GRM1: variants seen among roughly 807,000 people sequenced by gnomAD.
The protein encoded by GRM1 is glutamate metabotropic receptor 1.
Under a neutral mutation model 90.9 loss-of-function variants are expected in GRM1, and 33 were observed. The observed-to-expected ratio is 0.36, with a 90% confidence interval of 0.28 to 0.49. The LOEUF is 0.49. GRM1 is among the 20% of genes least tolerant of loss of function. GRM1 has a pLI of 0.99. For synonymous variants in GRM1, 700 were observed against 613.2 expected (o/e 1.14, Z -2.09); for missense variants, 1,190 against 1,534.3 (o/e 0.78, Z 3.75).
chr6:146,080,332 C>T (rs1417023674), intron 1 of GRM1, among the ~76,000 whole-genome samples: 1 of 152,106 alleles, frequency 6.6e-6, no homozygotes, highest in Non-Finnish European at 1.5e-5. Context: ...AATATGCTGT[C>T]TTCTGCCTTC....
chr6:146,426,582 C>T (rs1348772900), intron 7 of GRM1: 3 of 1,612,600 alleles, frequency 1.9e-6, no homozygotes, highest in East Asian at 2.2e-5. Flanking sequence ...GAATTCTCGC[C>T]CACCAGCCAA....
intron 2 of GRM1, among the ~76,000 whole-genome samples, chr6:146,267,456 G>A (rs1157377725): frequency 6.6e-6 from 1 of 152,042 alleles, no homozygotes; most frequent in East Asian, 1.9e-4. Flanking sequence ...ATATATATAG[G>A]GGAGTTTATT....
chr6:146,068,962 T>G (rs1582956579), intron 1 of GRM1, among the ~76,000 whole-genome samples: 1 of 152,244 alleles, frequency 6.6e-6, no homozygotes, highest in African/African-American at 2.4e-5. Flanking sequence ...GAAATTTATG[T>G]TTCAGATTGG....
chr6:146,234,487 T>C (rs1780564423), intron 2 of GRM1, among the ~76,000 whole-genome samples: 1 of 152,108 alleles, frequency 6.6e-6, no homozygotes, highest in African/African-American at 2.4e-5. Context: ...TCTGAATTTT[T>C]TTTTAGTGGT....
chr6:146,048,164 A>G lies in GRM1; in HGVS notation c.700+17947A>G, dbSNP rs549634248. Among the ~76,000 whole-genome samples, 49 of 152,158 alleles carry G rather than the reference A, an allele frequency of 3.2e-4. 1 individual carries two copies. The highest frequency in any genetic ancestry group is 6.2e-4 in the South Asian group (3 of 4,834). ...CCTCCATATCTTTGTAAGGTCTGAT[A>G]TGGGGTTAAGCACAAAGTGCTTAAT... On this transcript the variant is annotated intron_variant, in intron 1 of 7. Coordinates refer to ENST00000282753, the MANE Select transcript of GRM1 (RefSeq NM_001278064.2).
Position 146,163,471 on chromosome 6 carries a change from A to G in GRM1, c.950+3874A>G, listed in dbSNP as rs185141392. On this transcript the variant is annotated intron_variant, in intron 2 of 7. Coordinates refer to ENST00000282753, the MANE Select transcript of GRM1 (RefSeq NM_001278064.2). The stretch of plus-strand genomic sequence containing the variant: ...TTAATTGTCACAACAATGTGATAAG[A>G]TAGGTACTAATATTATTCCCCTTTC... Among the ~76,000 whole-genome samples the G allele has an allele frequency of 2.5e-3, 387 of 152,348 alleles. 2 individuals are homozygous for G. In the Middle Eastern group the frequency reaches 0.031, roughly 12 times the overall value.
At chr6:146,033,779 G>A (rs1790788167) in intron 1 of GRM1, among the ~76,000 whole-genome samples, 1 of 151,178 alleles carries the variant, frequency 6.6e-6, no homozygotes, top group South Asian at 2.1e-4. Flanking sequence ...TCCTTTTTAA[G>A]TACTTTTTTA....
At chr6:146,304,554 T>C in intron 2 of GRM1, 57 bp from the exon 3 acceptor site, 1 of 1,157,906 alleles carries the variant, frequency 8.6e-7, no homozygotes, top group Non-Finnish European at 1.3e-6. Context: ...AACTCTGAGC[T>C]CTATTTGTGA....
At chr6:146,143,907 G>A (rs912320582) in intron 1 of GRM1, among the ~76,000 whole-genome samples, 1 of 152,174 alleles carries the variant, frequency 6.6e-6, no homozygotes, top group African/African-American at 2.4e-5. Context: ...AAAGAAGACA[G>A]AATGATACCC....
intron 3 of GRM1, among the ~76,000 whole-genome samples, chr6:146,321,178 T>C (rs1296061977): frequency 6.6e-6 from 1 of 152,232 alleles, no homozygotes; most frequent in Non-Finnish European, 1.5e-5. Context: ...TTTGCCTTTG[T>C]TCTCATTGGT....
At chr6:146,176,731 T>G (rs1049887778) in intron 2 of GRM1, among the ~76,000 whole-genome samples, 6 of 152,118 alleles carry the variant, frequency 3.9e-5, no homozygotes, top group African/African-American at 1.4e-4. Context: ...GTTGATTCAA[T>G]AAGTTCTTAG....
intron 1 of GRM1, among the ~76,000 whole-genome samples, chr6:146,103,094 A>C (rs1156563761): frequency 6.6e-6 from 1 of 152,176 alleles, no homozygotes; most frequent in African/African-American, 2.4e-5. Flanking sequence ...CTGCAGTGCC[A>C]CAGGGAACAA....
At chr6:146,343,486 A>G (rs1785054218) in intron 3 of GRM1, among the ~76,000 whole-genome samples, 1 of 151,828 alleles carries the variant, frequency 6.6e-6, no homozygotes, top group East Asian at 1.9e-4. Flanking sequence ...TTACTTAATC[A>G]TTTATTTATA....
chr6:146,113,127 C>A (rs1346776847), intron 1 of GRM1, among the ~76,000 whole-genome samples: 2 of 152,146 alleles, frequency 1.3e-5, no homozygotes, highest in Non-Finnish European at 2.9e-5. Context: ...TATACTCAGT[C>A]TTTAATTTAA....
At position 146,358,630 on chromosome 6, in the gene GRM1, C is replaced by T. The variant is rs546515107; in HGVS notation, c.1602+936C>T. Among the ~76,000 whole-genome samples the T allele has an allele frequency of 1.7e-3, 256 of 152,340 alleles. 1 individual carries two copies. The highest frequency in any genetic ancestry group is 6.0e-3 in the African/African-American group (248 of 41,588). The stretch of plus-strand genomic sequence containing the variant: ...ATTCTTTGCTTGGGAGCTGCAAAAA[C>T]ACCCATGGAGGAGAGATGCTCTGAT... On this transcript the variant is annotated intron_variant, in intron 5 of 7. Transcript: ENST00000282753.
At chr6:146,039,970 G>T (rs994901780) in intron 1 of GRM1, among the ~76,000 whole-genome samples, 3 of 152,092 alleles carry the variant, frequency 2.0e-5, no homozygotes, top group Non-Finnish European at 4.4e-5. Context: ...ATAGGCCACC[G>T]ATCTGGAAAG....
In GRM1 at chr6:146,435,093, A is replaced by G. The variant is rs1002919368; in HGVS notation, c.*297A>G. On this transcript the variant is annotated 3_prime_UTR_variant, in exon 8 of 8. Transcript: ENST00000282753. ...CATATGGTATGTAACTTTTATCACA[A>G]ATCAAATAGTGACATCACAAACATA... 9 of 522,610 alleles carry G rather than the reference A, an allele frequency of 1.7e-5. No individual in the cohort carries two copies. The highest frequency in any genetic ancestry group is 3.1e-5 in the Non-Finnish European group (9 of 288,080). The allele number at this position is 522,610 out of a possible 1,614,324, so 32.4% of individuals were successfully genotyped here.
chr6:146,386,586 A>T (rs1776513362), intron 5 of GRM1, among the ~76,000 whole-genome samples: 1 of 152,068 alleles, frequency 6.6e-6, no homozygotes, highest in Admixed American at 6.6e-5. Flanking sequence ...TATTAATATA[A>T]ACAAGGATTA....
In GRM1 at chr6:146,353,303, G is replaced by A. The variant is rs1021542082; in HGVS notation, c.1433+807G>A. ...AACACCTTCAGGAAGAAGGAAAAAGGCCCTCAGCTTGGCTACCACTCAGCA... is the reference window on the plus strand; with the variant it reads ...AACACCTTCAGGAAGAAGGAAAAAGACCCTCAGCTTGGCTACCACTCAGCA... On this transcript the variant is annotated intron_variant, in intron 4 of 7. Coordinates refer to ENST00000282753, the MANE Select transcript of GRM1 (RefSeq NM_001278064.2). 4.6e-5 allele frequency among the ~76,000 whole-genome samples: 7 copies of A among 152,172 alleles called. No individual in the cohort carries two copies. The South Asian group carries it at 1.2e-3, about 27-fold the overall frequency.
Sources: gnomAD v4.1 joint callset for allele counts (sites outside exome capture counted in the v4.1 genomes callset) on GRCh38, gnomAD v4.1.1 for gene constraint, MANE v1.5 for transcripts, NCBI Gene and HGNC (gene_info 2026-07-23, HGNC 2026-07-21) for gene names.